The following ENTREP2 variants were observed in gnomAD, a reference collection of about 807,000 sequenced individuals.
The protein encoded by ENTREP2 is endosomal transmembrane epsin interactor 2.
At chr15:29,416,296 G>C in the ENTREP2 span, among the ~76,000 whole-genome samples, 1 of 152,140 alleles carries the variant, frequency 6.6e-6, no homozygotes, top group African/African-American at 2.4e-5. Context: ...TACCAAAACA[G>C]AGATATAGAC....
chr15:29,467,720 G>A, the ENTREP2 span, among the ~76,000 whole-genome samples: 14,766 of 152,176 alleles, frequency 0.097, 965 homozygotes, highest in Non-Finnish European at 0.15. Context: ...TTGAACATCC[G>A]TAGCCCAATT....
chr15:29,464,037 G>A, the ENTREP2 span, among the ~76,000 whole-genome samples: 2 of 152,124 alleles, frequency 1.3e-5, no homozygotes, highest in African/African-American at 4.8e-5. Flanking sequence ...GGAGAATAGG[G>A]GTTCCAGGGG....
chr15:29,134,079 G>A, the ENTREP2 span, among the ~76,000 whole-genome samples: 1 of 152,080 alleles, frequency 6.6e-6, no homozygotes, highest in African/African-American at 2.4e-5. Context: ...ATCATGACAG[G>A]TGCCCCACAG....
the ENTREP2 span, among the ~76,000 whole-genome samples, chr15:29,642,168 A>T: frequency 6.6e-6 from 1 of 152,168 alleles, no homozygotes; most frequent in Non-Finnish European, 1.5e-5. Flanking sequence ...GACCCAAAAT[A>T]GTAAAAAAGA....
the ENTREP2 span, among the ~76,000 whole-genome samples, chr15:29,441,184 T>C: frequency 6.6e-6 from 1 of 152,190 alleles, no homozygotes; most frequent in Admixed American, 6.5e-5. Context: ...CTGAGGACAC[T>C]GTGCTGAGCA....
At chr15:29,371,921 TAGATAGATAGATA>T in the ENTREP2 span, among the ~76,000 whole-genome samples, 8 of 101,584 alleles carry the variant, frequency 7.9e-5, no homozygotes, top group African/African-American at 3.0e-4. Flanking sequence ...AATAGATAGA[TAGATAGATAGATA>T]GATAGATAGA....
chr15:29,141,273 G>A, the ENTREP2 span, among the ~76,000 whole-genome samples: 2 of 152,240 alleles, frequency 1.3e-5, no homozygotes, highest in Non-Finnish European at 2.9e-5. Flanking sequence ...TCTGGGCCCT[G>A]CCTGGGCACT....
chr15:29,381,738 T>G, the ENTREP2 span: 1 of 1,542,038 alleles, frequency 6.5e-7, no homozygotes, highest in Non-Finnish European at 8.8e-7. Flanking sequence ...GGTGGAACCC[T>G]GCTCCAAGGC....
chr15:29,366,779 A>T, the ENTREP2 span, among the ~76,000 whole-genome samples: 211 of 152,346 alleles, frequency 1.4e-3, no homozygotes, highest in Non-Finnish European at 2.4e-3. Flanking sequence ...TCTGGCTGGA[A>T]AGTAGAAAAC....
At chr15:29,261,310 G>T in the ENTREP2 span, among the ~76,000 whole-genome samples, 1 of 152,170 alleles carries the variant, frequency 6.6e-6, no homozygotes, top group African/African-American at 2.4e-5. Flanking sequence ...CCCAAGAGTT[G>T]GAGGCTGCCG....
At chr15:29,390,024 T>A in the ENTREP2 span, among the ~76,000 whole-genome samples, 1 of 151,972 alleles carries the variant, frequency 6.6e-6, no homozygotes, top group Non-Finnish European at 1.5e-5. Flanking sequence ...ACGGAGGGCC[T>A]GCAGAATGGC....
the ENTREP2 span, among the ~76,000 whole-genome samples, chr15:29,216,419 T>C: frequency 6.6e-6 from 1 of 152,214 alleles, no homozygotes; most frequent in South Asian, 2.1e-4. Flanking sequence ...TGTCTAACTT[T>C]GGATAACCTG....
the ENTREP2 span, among the ~76,000 whole-genome samples, chr15:29,609,180 G>C: frequency 0.32 from 47,655 of 149,434 alleles, 11,011 homozygotes; most frequent in African/African-American, 0.59. Flanking sequence ...CCTAGTTTCT[G>C]TGTGTCTGCA....
At chr15:29,131,288 A>G in the ENTREP2 span, among the ~76,000 whole-genome samples, 78,810 of 151,662 alleles carry the variant, frequency 0.52, 23,096 homozygotes, top group South Asian at 0.75. Context: ...TGTGGATCGT[A>G]AGTGTCAGGA....
the ENTREP2 span, chr15:29,266,648 C>A: frequency 1.3e-5 from 2 of 152,114 alleles, no homozygotes; most frequent in African/African-American, 4.8e-5. Flanking sequence ...TAAGGACACA[C>A]GTAACACCGC....
chr15:29,540,624 A>T, the ENTREP2 span, among the ~76,000 whole-genome samples: 6 of 152,242 alleles, frequency 3.9e-5, no homozygotes, highest in Admixed American at 6.5e-5. Context: ...GTGCTATACC[A>T]TGTCAGGAGA....
At chr15:29,313,545 T>A in the ENTREP2 span, among the ~76,000 whole-genome samples, 1 of 149,276 alleles carries the variant, frequency 6.7e-6, no homozygotes, top group African/African-American at 2.4e-5. Flanking sequence ...TGACAACATA[T>A]CTGTTTAAAG....
the ENTREP2 span, chr15:29,233,991 G>C: frequency 6.7e-7 from 1 of 1,496,294 alleles, no homozygotes; most frequent in Non-Finnish European, 9.3e-7. Flanking sequence ...ACCATAGGAA[G>C]AGTTGAAATA....
the ENTREP2 span, chr15:29,195,320 C>T: frequency 1.1e-4 from 110 of 985,198 alleles, no homozygotes; most frequent in African/African-American, 2.3e-4. Flanking sequence ...GTCTACCAGC[C>T]GGAGACCACC....
Sources: gnomAD v4.1 joint callset for allele counts (sites outside exome capture counted in the v4.1 genomes callset) on GRCh38, gnomAD v4.1.1 for gene constraint, MANE v1.5 for transcripts, NCBI Gene and HGNC (gene_info 2026-07-23, HGNC 2026-07-21) for gene names.